ROCK1: variants seen among roughly 807,000 people sequenced by gnomAD.
The protein encoded by ROCK1 is Rho associated coiled-coil containing protein kinase 1, also known as rho-associated protein kinase 1.
A neutral mutation model predicts 196.8 loss-of-function variants in ROCK1; 36 were observed. That is an observed-to-expected ratio of 0.18 (90% CI 0.14 to 0.24). The LOEUF (loss-of-function observed/expected upper bound fraction) is 0.24. Among genes scored for constraint, ROCK1 ranks in the 10% least tolerant of loss-of-function variants. The pLI, the probability that ROCK1 is intolerant of heterozygous loss-of-function variation, is 1.00. For missense variants in ROCK1, 920 were observed against 1,562.0 expected (o/e 0.59, Z 6.93); for synonymous variants, 443 against 515.9 (o/e 0.86, Z 1.91).
intron 1 of ROCK1, among the ~76,000 whole-genome samples, chr18:21,092,580 TAAAAA>T (rs35799573): frequency 7.4e-5 from 6 of 81,138 alleles, no homozygotes; most frequent in African/African-American, 3.1e-4. Context: ...ACCTCATCTT[TAAAAA>T]AAAAAAAAAA....
intron 1 of ROCK1, among the ~76,000 whole-genome samples, chr18:21,085,343 C>A (rs116781236): frequency 3.3e-3 from 260 of 78,006 alleles, no homozygotes; most frequent in East Asian, 4.8e-3. Flanking sequence ...AACCCCATTT[C>A]AAAAAAAAAA....
chr18:20,970,939 A>G (rs1313230767), intron 22 of ROCK1, among the ~76,000 whole-genome samples: 2 of 152,194 alleles, frequency 1.3e-5, no homozygotes, highest in East Asian at 3.9e-4. Context: ...CACTTCCTGC[A>G]GTTCAGTTTC....
At chr18:21,081,196 A>G (rs888421783) in intron 1 of ROCK1, among the ~76,000 whole-genome samples, 2 of 152,210 alleles carry the variant, frequency 1.3e-5, no homozygotes, top group African/African-American at 4.8e-5. Context: ...GAATGAAACT[A>G]CTAAACAATA....
chr18:20,991,190 G>C lies in ROCK1; in HGVS notation c.2129C>G (p.Ser710Cys). Reference protein sequence around the residue: ...DKHQSIEEAKSVAMCEMEKKL... With the variant: ...DKHQSIEEAKCVAMCEMEKKL... ...CTGACACTTACCACACATTGCCACAGACTTTGCCTCTTCAATAGATTGATG... is the reference window on the plus strand; with the variant it reads ...CTGACACTTACCACACATTGCCACACACTTTGCCTCTTCAATAGATTGATG... Residue 710 changes from serine (S) to cysteine (C), a missense_variant, in exon 18 of 33, where the codon TCT (serine) becomes TGT (cysteine). Physicochemically the swap from Ser to Cys is moderately radical, Grantham distance 112. Around this residue, in one of 6 missense-constraint regions of ROCK1, gnomAD observed 520 missense variants for 657.1 expected, o/e 0.79. Coordinates refer to ENST00000399799, the MANE Select transcript of ROCK1 (RefSeq NM_005406.3). 1.2e-6 allele frequency: 2 copies of C among 1,604,476 alleles called. No homozygotes were observed. The highest frequency in any genetic ancestry group is 1.7e-6 in the Non-Finnish European group (2 of 1,177,542).
chr18:21,043,573 A>AATGTAT (rs376038082), intron 6 of ROCK1, among the ~76,000 whole-genome samples: 15,892 of 144,584 alleles, frequency 0.11, 2,864 homozygotes, highest in African/African-American at 0.39. Flanking sequence ...ACATATACAT[A>AATGTAT]ATGTATATGT....
At chr18:21,052,045 T>TA (rs975327244) in intron 2 of ROCK1, among the ~76,000 whole-genome samples, 1 of 152,184 alleles carries the variant, frequency 6.6e-6, no homozygotes, top group African/African-American at 2.4e-5. Context: ...AATAGCCTGT[T>TA]ACGTTGAAAA....
At chr18:20,981,634 AG>A (rs2035534407) in intron 21 of ROCK1, among the ~76,000 whole-genome samples, 1 of 152,196 alleles carries the variant, frequency 6.6e-6, no homozygotes, top group South Asian at 2.1e-4. Context: ...GAAAAAGAGA[AG>A]GGAAAGAAAT....
chr18:21,078,412 T>A (rs1362724987), intron 1 of ROCK1, among the ~76,000 whole-genome samples: 1 of 142,400 alleles, frequency 7.0e-6, no homozygotes, highest in Non-Finnish European at 1.5e-5. Flanking sequence ...CCTAGTGTGG[T>A]AGGAGTTATT....
chr18:20,949,762 T>G lies in ROCK1; in HGVS notation c.*1622A>C, dbSNP rs1400629794. 1 of 152,608 alleles carries G rather than the reference T, an allele frequency of 6.6e-6. No homozygotes were observed. Among genetic ancestry groups the G allele is most frequent in the African/African-American group, 2.4e-5 (1 of 41,450 alleles). The allele number at this position is 152,608 out of a possible 1,614,324, so 9.5% of individuals were successfully genotyped here. A position where few individuals can be genotyped will look rare whatever the true frequency, so the allele number is the denominator to read the frequency against. ...ACGTTTTATCTTTTAAAAATACACTTTAATCTAACCATGGAATTTCACAAA... is the reference window on the plus strand; with the variant it reads ...ACGTTTTATCTTTTAAAAATACACTGTAATCTAACCATGGAATTTCACAAA... On this transcript the variant is annotated 3_prime_UTR_variant, in exon 33 of 33. Coordinates refer to ENST00000399799, the MANE Select transcript of ROCK1 (RefSeq NM_005406.3).
At chr18:21,025,715 G>A (rs891299601) in intron 10 of ROCK1, among the ~76,000 whole-genome samples, 4 of 152,166 alleles carry the variant, frequency 2.6e-5, no homozygotes, top group South Asian at 2.1e-4. Flanking sequence ...CAGCCTCAGC[G>A]ACAGAGTGAG....
chr18:21,103,061 T>C (rs2036673176), intron 1 of ROCK1, among the ~76,000 whole-genome samples: 1 of 152,116 alleles, frequency 6.6e-6, no homozygotes, highest in South Asian at 2.1e-4. Context: ...TACCTTCCTA[T>C]TAATTGTTTA....
chr18:21,063,685 T>C (rs1188145624), intron 2 of ROCK1, among the ~76,000 whole-genome samples: 1 of 152,182 alleles, frequency 6.6e-6, no homozygotes, highest in African/African-American at 2.4e-5. Flanking sequence ...GGCAGCAACG[T>C]AGGTAACTGT....
At position 21,006,257 on chromosome 18, in the gene ROCK1, T is replaced by C. The variant is rs922057776; in HGVS notation, c.1885+94A>G. The stretch of plus-strand genomic sequence containing the variant: ...ATGGTTGCATACATTGTGAACTGCA[T>C]TTAATCCCACTGAACTGTATATATA... On this transcript the variant is annotated intron_variant, in intron 16 of 32. Coordinates refer to ENST00000399799, the MANE Select transcript of ROCK1 (RefSeq NM_005406.3). 3.1e-5 allele frequency: 30 copies of C among 953,568 alleles called. No individual in the cohort carries two copies. In the Admixed American group the frequency reaches 4.0e-4, roughly 13 times the overall value. The allele number at this position is 953,568 out of a possible 1,614,324, so 59.1% of individuals were successfully genotyped here.
intron 2 of ROCK1, among the ~76,000 whole-genome samples, chr18:21,059,711 CAT>C (rs1370453252): frequency 3.9e-5 from 6 of 152,128 alleles, no homozygotes; most frequent in African/African-American, 1.4e-4. Context: ...ACAATAAAAA[CAT>C]ATGTCTACAC....
chr18:21,044,303 C>T, intron 5 of ROCK1, 117 bp from the exon 6 acceptor site: 1 of 654,214 alleles, frequency 1.5e-6, no homozygotes, highest in Non-Finnish European at 2.6e-6. Context: ...CATCTTTGAT[C>T]TGTATGTGTT....
At chr18:20,986,677 G>A (rs1248914798) in intron 19 of ROCK1, among the ~76,000 whole-genome samples, 2 of 152,196 alleles carry the variant, frequency 1.3e-5, no homozygotes, top group East Asian at 1.9e-4. Flanking sequence ...AAAGCAGATG[G>A]TCAGTTTTTT....
intron 1 of ROCK1, among the ~76,000 whole-genome samples, chr18:21,094,949 C>T (rs539199082): frequency 2.0e-5 from 3 of 149,758 alleles, no homozygotes; most frequent in South Asian, 4.2e-4. Context: ...ACTCGGGAAG[C>T]TGAAGCAGGA....
At chr18:21,109,977 CT>C (rs1158939463) in intron 1 of ROCK1, among the ~76,000 whole-genome samples, 2 of 151,994 alleles carry the variant, frequency 1.3e-5, no homozygotes, top group South Asian at 2.1e-4. Flanking sequence ...TTATATAACC[CT>C]TAGTTGTTCA....
chr18:21,040,663 A>G (rs1351395892), intron 8 of ROCK1, among the ~76,000 whole-genome samples: 1 of 152,194 alleles, frequency 6.6e-6, no homozygotes, highest in East Asian at 1.9e-4. Flanking sequence ...GTTCTCCGGC[A>G]CATGGTACTT....
Sources: allele counts gnomAD v4.1 joint callset (sites outside exome capture counted in the v4.1 genomes callset), GRCh38; gene constraint gnomAD v4.1.1; regional missense constraint gnomAD v4.1.1; transcripts MANE v1.5; gene names NCBI Gene and HGNC (gene_info 2026-07-23, HGNC 2026-07-21).